Variants in HMGXB4 observed in about 807,000 individuals in gnomAD.
HMGXB4 encodes HMG-box containing 4.
In HMGXB4, 27 loss-of-function variants were observed where a neutral mutation model predicts 63.9. The ratio of observed to expected loss-of-function variants is 0.42; its 90% CI spans 0.31 to 0.58. The LOEUF is 0.58. Among genes scored for constraint, HMGXB4 ranks in the 20% least tolerant of loss-of-function variants. HMGXB4 has a pLI of 0.13. For synonymous variants in HMGXB4, 264 were observed against 265.3 expected (o/e 0.99, Z 0.05); for missense variants, 624 against 700.7 (o/e 0.89, Z 1.24).
At chr22:35,245,329 A>C in the HMGXB4 span, among the ~76,000 whole-genome samples, 11 of 119,628 alleles carry the variant, frequency 9.2e-5, no homozygotes, top group Admixed American at 4.2e-4. Flanking sequence ...GAAACTTTCT[A>C]TTTTTTTTTT....
intron 9 of HMGXB4, among the ~76,000 whole-genome samples, chr22:35,290,106 A>G (rs757269899): frequency 2.6e-5 from 4 of 152,200 alleles, no homozygotes; most frequent in Non-Finnish European, 5.9e-5. Flanking sequence ...GGATATAGAT[A>G]TTTCCAGAAG....
chr22:35,253,428 C>T (rs2146382022), upstream of HMGXB4, among the ~76,000 whole-genome samples: 1 of 152,276 alleles, frequency 6.6e-6, no homozygotes, highest in Non-Finnish European at 1.5e-5. Flanking sequence ...AAACAAGTAT[C>T]ATTGCTTCAC....
chr22:35,265,836 G>T (rs1415108622), intron 5 of HMGXB4, among the ~76,000 whole-genome samples: 2 of 151,274 alleles, frequency 1.3e-5, no homozygotes, highest in Non-Finnish European at 2.9e-5. Flanking sequence ...GCCCAGGCTG[G>T]AGTGCAGTGG....
the HMGXB4 span, among the ~76,000 whole-genome samples, chr22:35,248,440 T>C: frequency 7.1e-6 from 1 of 141,408 alleles, no homozygotes; most frequent in Non-Finnish European, 1.5e-5. Context: ...GGAGTCTCGC[T>C]CCGTCACCCA....
chr22:35,262,712 A>T, intron 2 of HMGXB4: 1 of 522,054 alleles, frequency 1.9e-6, no homozygotes, highest in East Asian at 3.3e-5. Context: ...GAGTCTGGGG[A>T]TAGGAATCAC....
In HMGXB4 at chr22:35,265,079, G is replaced by C; in HGVS notation, c.691G>C (p.Glu231Gln). The C allele has an allele frequency of 6.2e-7, 1 of 1,614,152 alleles. No homozygotes were observed. Among genetic ancestry groups the C allele is most frequent in the Non-Finnish European group, 8.5e-7 (1 of 1,180,022 alleles). Residue 231 changes from glutamate (E) to glutamine (Q), a missense_variant, in exon 5 of 11, where the codon GAG (glutamate) becomes CAG (glutamine). Physicochemically the swap from Glu to Gln is conservative, Grantham distance 29. Transcript: ENST00000216106. ...ATCCTCAAAGAAATCAGCTCGGGAT[G>C]AGCAGGGTGCTTTACTCCTAGGACA... The part of the protein sequence containing the change: ...KKSSKKSARD[E>Q]QGALLLGHEL...
chr22:35,293,171 C>G, intron 10 of HMGXB4, 57 bp downstream of exon 10: 1 of 1,596,244 alleles, frequency 6.3e-7, no homozygotes. Context: ...GATGCCCTGC[C>G]TTAATGAGCA....
rs939264682 is a variant in HMGXB4 at position 35,292,981 on chromosome 22, C to G, written c.1639-11C>G. Reference sequence around the variant, plus strand: ...AGTGTGACTCAAGCAACAACCTCCTCTCCTTTTCAGGGTATGGTGGCTGTG... The same window carrying G: ...AGTGTGACTCAAGCAACAACCTCCTGTCCTTTTCAGGGTATGGTGGCTGTG... On this transcript the variant is annotated splice_polypyrimidine_tract_variant and intron_variant, in intron 9 of 10. Transcript: ENST00000216106. 1 of 1,614,254 alleles carries G rather than the reference C, an allele frequency of 6.2e-7. No homozygotes were observed.
chr22:35,243,863 C>T, the HMGXB4 span, among the ~76,000 whole-genome samples: 423 of 152,274 alleles, frequency 2.8e-3, 1 homozygote, highest in African/African-American at 9.9e-3. Flanking sequence ...TTCCTTAATG[C>T]ACCTGAAAAA....
At chr22:35,258,000 G>C (rs2146390661) in intron 1 of HMGXB4, 1 of 152,450 alleles carries the variant, frequency 6.6e-6, no homozygotes, top group East Asian at 1.9e-4. Flanking sequence ...GGGGGAAAGG[G>C]CTCGTGGCCG....
upstream of HMGXB4, among the ~76,000 whole-genome samples, chr22:35,253,790 T>C (rs1319525775): frequency 1.3e-5 from 2 of 152,216 alleles, no homozygotes; most frequent in African/African-American, 2.4e-5. Flanking sequence ...CGGACCCAGC[T>C]GTCCAGAGGG....
Position 35,265,549 on chromosome 22 carries a change from T to TG in HMGXB4, c.1162dup (p.Glu388GlyfsTer32). ...CTGGCCTCCACACAGATGGGCATAG[T>TG]GAAAAAAAAAAGAAAAAAGAAGAGA... On this transcript the variant is annotated frameshift_variant, in exon 5 of 11. Transcript: ENST00000216106. LOFTEE classifies it high-confidence loss of function. The TG allele has an allele frequency of 6.3e-7, 1 of 1,582,616 alleles. No homozygotes were observed. Among genetic ancestry groups the TG allele is most frequent in the Non-Finnish European group, 8.5e-7 (1 of 1,169,962 alleles).
chr22:35,264,866 C>T lies in HMGXB4; in HGVS notation c.478C>T (p.Pro160Ser). 1 of 1,614,056 alleles carries T rather than the reference C, an allele frequency of 6.2e-7. No homozygotes were observed. The highest frequency in any genetic ancestry group is 8.5e-7 in the Non-Finnish European group (1 of 1,179,980). ...AGTCAGTGGAAGCAGTGGGGAACTA[C>T]CCCTAGAGGATGGTGGCTCCCACAA... ...KKVSGSSGEL[P>S]LEDGGSHKSK... Residue 160 changes from proline (P) to serine (S), a missense_variant, in exon 5 of 11, where the codon CCC becomes TCC. Physicochemically the swap from Pro to Ser is moderately conservative, Grantham distance 74. Coordinates refer to ENST00000216106, the MANE Select transcript of HMGXB4 (RefSeq NM_001003681.3).
intron 5 of HMGXB4, among the ~76,000 whole-genome samples, chr22:35,271,293 T>A (rs549963444): frequency 2.0e-5 from 3 of 151,894 alleles, no homozygotes; most frequent in Non-Finnish European, 4.4e-5. Context: ...GATTTAGGAG[T>A]AGTGTTTCTT....
intron 5 of HMGXB4, among the ~76,000 whole-genome samples, chr22:35,278,171 G>A (rs572093909): frequency 3.3e-5 from 5 of 152,220 alleles, no homozygotes; most frequent in Admixed American, 6.5e-5. Flanking sequence ...GTCTTTCCAT[G>A]GCTCGACCCT....
Position 35,288,352 on chromosome 22 carries a change from T to C in HMGXB4, c.1583T>C (p.Leu528Pro). The C allele has an allele frequency of 6.2e-7, 1 of 1,613,228 alleles. No homozygotes were observed. The highest frequency in any genetic ancestry group is 8.5e-7 in the Non-Finnish European group (1 of 1,179,458). The change falls in exon 9 of 11, where the codon CTT becomes CCT. Residue 528 changes from leucine to proline, a missense_variant. Leu to Pro is a moderately conservative substitution (Grantham distance 98). Transcript: ENST00000216106. ...ETEPIDVAAH[L>P]QLLGESLSLI... Reference sequence around the variant, plus strand: ...GAGCCCATTGATGTTGCTGCTCATCTTCAGCTGTTGGGAGAGTCCCTAAGC... The same window carrying C: ...GAGCCCATTGATGTTGCTGCTCATCCTCAGCTGTTGGGAGAGTCCCTAAGC...
Position 35,288,337 on chromosome 22 carries a change from A to C in HMGXB4, c.1568A>C (p.Asp523Ala). 1 of 1,612,918 alleles carries C rather than the reference A, an allele frequency of 6.2e-7. No individual in the cohort carries two copies. Among genetic ancestry groups the C allele is most frequent in the Non-Finnish European group, 8.5e-7 (1 of 1,179,336 alleles). The change falls in exon 9 of 11, where the codon GAT (aspartate) becomes GCT (alanine). Residue 523 changes from aspartate (D) to alanine (A), a missense_variant. Asp to Ala is a moderately radical substitution (Grantham distance 126, BLOSUM62 -2). Coordinates refer to ENST00000216106, the MANE Select transcript of HMGXB4 (RefSeq NM_001003681.3). The part of the protein sequence containing the change: ...PAKAPETEPI[D>A]VAAHLQLLGE... Reference sequence around the variant, plus strand: ...AAAGCCCCTGAGACAGAGCCCATTGATGTTGCTGCTCATCTTCAGCTGTTG... The same window carrying C: ...AAAGCCCCTGAGACAGAGCCCATTGCTGTTGCTGCTCATCTTCAGCTGTTG...
At chr22:35,282,077 G>A (rs772038133) in intron 5 of HMGXB4, among the ~76,000 whole-genome samples, 1 of 152,190 alleles carries the variant, frequency 6.6e-6, no homozygotes, top group African/African-American at 2.4e-5. Flanking sequence ...CTGAAGTTAC[G>A]AGACAGGACT....
intron 5 of HMGXB4, among the ~76,000 whole-genome samples, chr22:35,271,129 G>A (rs900676278): frequency 7.9e-5 from 12 of 151,934 alleles, no homozygotes; most frequent in Non-Finnish European, 1.8e-4. Context: ...AGGCATGGTG[G>A]CAAGCACCTG....
Sources: gnomAD v4.1 joint callset for allele counts (sites outside exome capture counted in the v4.1 genomes callset) on GRCh38, gnomAD v4.1.1 for gene constraint, MANE v1.5 for transcripts, NCBI Gene and HGNC (gene_info 2026-07-23, HGNC 2026-07-21) for gene names.